Variants in PPP1R9A observed in about 807,000 individuals in gnomAD.
PPP1R9A encodes neurabin-1.
A neutral mutation model predicts 141.9 loss-of-function variants in PPP1R9A; 59 were observed. The observed-to-expected ratio is 0.42, with a 90% CI of 0.34 to 0.52. The LOEUF (loss-of-function observed/expected upper bound fraction) is 0.52. Among genes scored for constraint, PPP1R9A ranks in the 20% least tolerant of loss-of-function variants. PPP1R9A has a pLI of 0.10. For synonymous variants in PPP1R9A, 500 were observed against 569.7 expected, an observed-to-expected ratio of 0.88 and a Z score of 1.74; for missense variants, 1,444 against 1,611.9, an observed-to-expected ratio of 0.90 and a Z score of 1.78.
chr7:95,240,601 T>C (rs1039688264), intron 8 of PPP1R9A, among the ~76,000 whole-genome samples: 1 of 152,116 alleles, frequency 6.6e-6, no homozygotes, highest in African/African-American at 2.4e-5. Flanking sequence ...TATAGTTTAC[T>C]GTCTTTACCA....
chr7:95,135,532 G>A (rs1270317447), intron 4 of PPP1R9A, among the ~76,000 whole-genome samples: 2 of 151,896 alleles, frequency 1.3e-5, no homozygotes, highest in East Asian at 3.8e-4. Context: ...TGCCCATTAA[G>A]GCAATTATCA....
intron 2 of PPP1R9A, among the ~76,000 whole-genome samples, chr7:95,054,879 C>A (rs1405371155): frequency 2.6e-5 from 4 of 150,956 alleles, no homozygotes; most frequent in South Asian, 4.2e-4. Flanking sequence ...TACCCTACTT[C>A]CAGTGCTTAG....
chr7:94,984,988 C>G (rs1800622110), intron 2 of PPP1R9A, among the ~76,000 whole-genome samples: 1 of 152,140 alleles, frequency 6.6e-6, no homozygotes, highest in Admixed American at 6.6e-5. Flanking sequence ...AAATTTCCTT[C>G]TACGCACTGT....
At position 95,290,281 on chromosome 7, in the gene PPP1R9A, C is replaced by T. The variant is rs751169414; in HGVS notation, c.4103C>T (p.Ala1368Val). Residue 1368 changes from alanine (A) to valine (V), a missense_variant, in exon 20 of 20, where the codon GCC (alanine) becomes GTC (valine). Ala to Val is a moderately conservative substitution (Grantham distance 64, BLOSUM62 0). Transcript: ENST00000433360. ...ACAGAAAAGATGACGTCAACTACAG[C>T]CGAGGGTGCTGGTGAGCAGTAACAC... ...KKTEKMTSTT[A>V]EGAGEQ 10 of 1,611,150 alleles carry T rather than the reference C, an allele frequency of 6.2e-6. No individual in the cohort carries two copies. Among genetic ancestry groups the T allele is most frequent in the African/African-American group, 1.3e-5 (1 of 74,842 alleles).
intron 12 of PPP1R9A, among the ~76,000 whole-genome samples, chr7:95,268,258 A>G (rs1371493658): frequency 1.3e-5 from 2 of 152,174 alleles, no homozygotes; most frequent in East Asian, 3.8e-4. Context: ...CATAAATAGT[A>G]AATACAAATT....
chr7:95,117,514 T>C (rs1251146531), intron 3 of PPP1R9A, among the ~76,000 whole-genome samples: 4 of 152,196 alleles, frequency 2.6e-5, no homozygotes, highest in Non-Finnish European at 5.9e-5. Context: ...TTTTCAGCTC[T>C]GCAAATCTGA....
chr7:94,913,344 G>A (rs193027862), intron 2 of PPP1R9A, among the ~76,000 whole-genome samples: 1 of 152,244 alleles, frequency 6.6e-6, no homozygotes, highest in East Asian at 1.9e-4. Flanking sequence ...TTTGTGCTAT[G>A]ATTGCTTATA....
intron 2 of PPP1R9A, among the ~76,000 whole-genome samples, chr7:95,070,611 A>ATATATATATATATATATATATATATG (rs1813671815): frequency 9.2e-6 from 1 of 108,892 alleles, no homozygotes; most frequent in Non-Finnish European, 2.2e-5. Flanking sequence ...ATATATATAT[A>ATATATATATATATATATATATATATG]CACACACACA....
At chr7:95,185,231 G>T (rs1834463895) in intron 5 of PPP1R9A, among the ~76,000 whole-genome samples, 1 of 151,808 alleles carries the variant, frequency 6.6e-6, no homozygotes, top group Admixed American at 6.6e-5. Flanking sequence ...CATTCTTTCA[G>T]GAGTAAGGTG....
chr7:95,161,990 A>G lies in PPP1R9A; in HGVS notation c.1754+19A>G, dbSNP rs1299827274. On this transcript the variant is annotated intron_variant, in intron 5 of 19. Transcript: ENST00000433360. ...ACGTCAGGTAAATACGTGCCTTCTA[A>G]TATACACCATGTTGTTACTTTAGTT... is the stretch of plus-strand genomic sequence containing the variant. The G allele has an allele frequency of 6.9e-7, 1 of 1,451,798 alleles. No homozygotes were observed. The highest frequency in any genetic ancestry group is 1.2e-5 in the South Asian group (1 of 82,684). The allele number at this position is 1,451,798 out of a possible 1,614,324, so 89.9% of individuals were successfully genotyped here. A position where few individuals can be genotyped will look rare whatever the true frequency, so the allele number is the denominator to read the frequency against.
chr7:94,908,654 A>T (rs1447878372), intron 1 of PPP1R9A: 1 of 152,080 alleles, frequency 6.6e-6, no homozygotes, highest in African/African-American at 2.4e-5. Context: ...CGGCGGCCCC[A>T]TCTCCCCCGC....
At chr7:94,969,895 C>T (rs1012210139) in intron 2 of PPP1R9A, among the ~76,000 whole-genome samples, 4 of 152,146 alleles carry the variant, frequency 2.6e-5, no homozygotes, top group Non-Finnish European at 5.9e-5. Context: ...CTTTGCTGAG[C>T]TGTGTTGGGC....
intron 2 of PPP1R9A, among the ~76,000 whole-genome samples, chr7:95,007,102 T>C (rs1803724124): frequency 1.3e-5 from 2 of 152,188 alleles, no homozygotes; most frequent in African/African-American, 2.4e-5. Flanking sequence ...CCTCAGGTGA[T>C]CCGCCCATCT....
At chr7:95,200,689 T>C (rs1310930462) in intron 6 of PPP1R9A, among the ~76,000 whole-genome samples, 4 of 152,168 alleles carry the variant, frequency 2.6e-5, no homozygotes, top group Non-Finnish European at 5.9e-5. Flanking sequence ...GTTTATAGAT[T>C]TTTTTTGTTT....
intron 2 of PPP1R9A, among the ~76,000 whole-genome samples, chr7:94,980,320 G>A (rs1799946159): frequency 6.6e-6 from 1 of 152,138 alleles, no homozygotes; most frequent in Non-Finnish European, 1.5e-5. Flanking sequence ...GCTCTAAGCA[G>A]TGCATTGGCA....
chr7:95,292,142 T>C lies in PPP1R9A; in HGVS notation c.*1839T>C, dbSNP rs1367619886. Reference sequence around the variant, plus strand: ...TATCAAAGTCACCATTATGTTTTTCTGTCTGTCTTCATTAGGGGTATGATA... The same window carrying C: ...TATCAAAGTCACCATTATGTTTTTCCGTCTGTCTTCATTAGGGGTATGATA... On this transcript the variant is annotated 3_prime_UTR_variant, in exon 20 of 20. Coordinates refer to ENST00000433360, the MANE Select transcript of PPP1R9A (RefSeq NM_001166160.2). 1 of 152,198 alleles carries C rather than the reference T, an allele frequency of 6.6e-6. No homozygotes were observed. The highest frequency in any genetic ancestry group is 1.5e-5 in the Non-Finnish European group (1 of 68,028). 9.4% of individuals were successfully genotyped at this position (152,198 alleles called of 1,614,324 possible). A position where few individuals can be genotyped will look rare whatever the true frequency, so the allele number is the denominator to read the frequency against.
At chr7:95,210,745 C>A (rs1308075712) in intron 7 of PPP1R9A, among the ~76,000 whole-genome samples, 1 of 152,134 alleles carries the variant, frequency 6.6e-6, no homozygotes, top group African/African-American at 2.4e-5. Context: ...TTGGAACCAA[C>A]CCAAATGCCC....
At chr7:94,944,445 A>AC (rs1010581987) in intron 2 of PPP1R9A, among the ~76,000 whole-genome samples, 162 of 125,506 alleles carry the variant, frequency 1.3e-3, no homozygotes, top group African/African-American at 2.3e-3. Flanking sequence ...AGAAATATCC[A>AC]CCCCCCCACC....
At chr7:94,964,782 C>T (rs145493632) in intron 2 of PPP1R9A, among the ~76,000 whole-genome samples, 7 of 152,226 alleles carry the variant, frequency 4.6e-5, no homozygotes, top group African/African-American at 1.7e-4. Context: ...GTGAACATTG[C>T]TGTAATAAAC....
Sources: allele counts gnomAD v4.1 joint callset (sites outside exome capture counted in the v4.1 genomes callset), GRCh38; gene constraint gnomAD v4.1.1; transcripts MANE v1.5; gene names NCBI Gene and HGNC (gene_info 2026-07-23, HGNC 2026-07-21).